Variants in CDH13 observed in about 807,000 individuals in gnomAD.
CDH13 encodes the protein cadherin-13.
CDH13 carries 24 observed loss-of-function variants against 63.8 expected under a neutral mutation model. That is an observed-to-expected ratio of 0.38 (90% CI 0.27 to 0.53). CDH13 has a LOEUF of 0.53. CDH13 is among the 20% of genes least tolerant of loss of function. The probability of loss-of-function intolerance (pLI) is 0.85; values close to 1 mark genes in which losing one functional copy is unlikely to be tolerated. For missense variants in CDH13, 1,049 were observed against 903.1 expected (o/e 1.16, Z -2.07); for synonymous variants, 503 against 355.3 (o/e 1.42, Z -4.67).
chr16:82,891,273 T>C (rs182609441), intron 2 of CDH13, among the ~76,000 whole-genome samples: 12 of 152,220 alleles, frequency 7.9e-5, no homozygotes, highest in African/African-American at 9.6e-5. Context: ...TCCTGGGTAG[T>C]GAAGAGGTCC....
intron 5 of CDH13, among the ~76,000 whole-genome samples, chr16:83,272,192 C>G (rs567125287): frequency 4.0e-4 from 61 of 152,252 alleles, no homozygotes; most frequent in Admixed American, 9.2e-4. Context: ...CATAAAGAAA[C>G]TATATTCTAG....
chr16:83,172,609 C>T (rs1381565187), intron 4 of CDH13, among the ~76,000 whole-genome samples: 1 of 151,888 alleles, frequency 6.6e-6, no homozygotes, highest in Non-Finnish European at 1.5e-5. Context: ...CCATGAGAAG[C>T]TAGGAGACAG....
chr16:83,718,967 C>G (rs1909311962), intron 10 of CDH13, among the ~76,000 whole-genome samples: 1 of 152,172 alleles, frequency 6.6e-6, no homozygotes, highest in Non-Finnish European at 1.5e-5. Flanking sequence ...GAGCAAAGGC[C>G]TTTGGCTGCT....
chr16:83,448,462 C>T (rs930175791), intron 6 of CDH13, among the ~76,000 whole-genome samples: 2 of 152,120 alleles, frequency 1.3e-5, no homozygotes, highest in Non-Finnish European at 2.9e-5. Context: ...TGGCTGTGTG[C>T]CCCAGAACAA....
Position 83,783,318 on chromosome 16 carries a change from G to A in CDH13, c.1980G>A (p.Met660Ile). 6.2e-7 allele frequency: 1 copy of A among 1,613,950 alleles called. No homozygotes were observed. Among genetic ancestry groups the A allele is most frequent in the Non-Finnish European group, 8.5e-7 (1 of 1,179,882 alleles). ...LNKANYNLPI[M>I]VTDSGKPPMT... The stretch of plus-strand genomic sequence containing the variant: ...AAGCAAACTACAACCTGCCCATCAT[G>A]GTGACAGATTCAGGGAAACCACCCA... The change falls in exon 13 of 14, where the codon ATG becomes ATA. Residue 660 changes from methionine to isoleucine, a missense_variant. Met to Ile is a conservative substitution (Grantham distance 10). Coordinates refer to ENST00000567109, the MANE Select transcript of CDH13 (RefSeq NM_001257.5).
intron 2 of CDH13, among the ~76,000 whole-genome samples, chr16:82,934,880 C>T (rs190897454): frequency 6.6e-6 from 1 of 152,326 alleles, no homozygotes; most frequent in African/African-American, 2.4e-5. Context: ...TGGTCAAAGC[C>T]ATTCAACAAG....
intron 6 of CDH13, among the ~76,000 whole-genome samples, chr16:83,441,515 T>C (rs1192857930): frequency 2.6e-5 from 4 of 152,238 alleles, no homozygotes; most frequent in Non-Finnish European, 5.9e-5. Flanking sequence ...TTTCTTAATG[T>C]TTAAAAAGGA....
At chr16:83,695,779 A>G (rs1905315507) in intron 10 of CDH13, among the ~76,000 whole-genome samples, 1 of 152,214 alleles carries the variant, frequency 6.6e-6, no homozygotes, top group African/African-American at 2.4e-5. Flanking sequence ...AATACTTCGG[A>G]CACAACTGTG....
At chr16:83,582,617 G>T (rs1905726581) in intron 7 of CDH13, among the ~76,000 whole-genome samples, 1 of 152,108 alleles carries the variant, frequency 6.6e-6, no homozygotes, top group African/African-American at 2.4e-5. Flanking sequence ...AGCCTGAGTG[G>T]CCAGGTCTCT....
intron 6 of CDH13, among the ~76,000 whole-genome samples, chr16:83,386,803 G>A (rs1274127678): frequency 6.6e-6 from 1 of 152,150 alleles, no homozygotes; most frequent in African/African-American, 2.4e-5. Context: ...GATGTCAGGG[G>A]TGTCCCCACT....
intron 5 of CDH13, among the ~76,000 whole-genome samples, chr16:83,240,254 A>G (rs540543213): frequency 4.6e-5 from 7 of 152,168 alleles, no homozygotes; most frequent in African/African-American, 1.7e-4. Flanking sequence ...TGGGCTTAGC[A>G]TGTGTAGGGA....
intron 5 of CDH13, among the ~76,000 whole-genome samples, chr16:83,242,385 A>G (rs12929552): frequency 0.84 from 127,653 of 152,196 alleles, 53,574 homozygotes; most frequent in East Asian, 0.97. Context: ...TTCTTGTGCC[A>G]TATGAAAGTG....
chr16:83,777,208 G>C (rs1355086269), intron 11 of CDH13, among the ~76,000 whole-genome samples: 2 of 152,222 alleles, frequency 1.3e-5, no homozygotes, highest in Admixed American at 6.5e-5. Context: ...AGTCAGATCA[G>C]ATTGTTCCTG....
Position 83,133,316 on chromosome 16 carries a change from G to A in CDH13, c.483+7815G>A, listed in dbSNP as rs111586696. On this transcript the variant is annotated intron_variant, in intron 4 of 13. Coordinates refer to ENST00000567109, the MANE Select transcript of CDH13 (RefSeq NM_001257.5). ...AAAGCTTATCACACGAACACAAAAA[G>A]AATGGAAAATGTCTCCTTAATAATC... Among the ~76,000 whole-genome samples the A allele has an allele frequency of 1.8e-3, 275 of 152,244 alleles. 2 individuals are homozygous for A. Among genetic ancestry groups the A allele is most frequent in the African/African-American group, 6.4e-3 (265 of 41,542 alleles).
At chr16:82,884,303 T>G in intron 2 of CDH13, 9 of 433,580 alleles carry the variant, frequency 2.1e-5, no homozygotes, top group South Asian at 1.5e-4. Context: ...GGCATGCTAT[T>G]GAGAAAAGGA....
At chr16:82,825,587 G>C (rs2038207393) in intron 1 of CDH13, 1 of 149,222 alleles carries the variant, frequency 6.7e-6, no homozygotes, top group Non-Finnish European at 1.5e-5. Context: ...TGTTGCCCCG[G>C]CTGGAGTGAC....
At chr16:82,926,951 A>G (rs2151289123) in intron 2 of CDH13, among the ~76,000 whole-genome samples, 1 of 152,300 alleles carries the variant, frequency 6.6e-6, no homozygotes, top group South Asian at 2.1e-4. Context: ...CAAATGTGTC[A>G]TTTGTGAGGG....
At chr16:82,627,337 C>CGTGCGTGTGTGTGTGTGTGTGTGTGTGT (rs1555525839) in intron 1 of CDH13, among the ~76,000 whole-genome samples, 200 bp downstream of exon 1, 11 of 131,184 alleles carry the variant, frequency 8.4e-5, no homozygotes, top group Non-Finnish European at 1.8e-4. Context: ...CTCTGGCGTG[C>CGTGCGTGTGTGTGTGTGTGTGTGTGTGT]GTGTGTGTGT....
intron 4 of CDH13, among the ~76,000 whole-genome samples, chr16:83,216,408 A>ATGTATATATG (rs66685513): frequency 1.3e-5 from 1 of 76,020 alleles, no homozygotes; most frequent in African/African-American, 4.8e-5. Flanking sequence ...ATATATATAT[A>ATGTATATATG]TATATATATA....
Sources: gnomAD v4.1 joint callset for allele counts (sites outside exome capture counted in the v4.1 genomes callset) on GRCh38, gnomAD v4.1.1 for gene constraint, MANE v1.5 for transcripts, NCBI Gene and HGNC (gene_info 2026-07-23, HGNC 2026-07-21) for gene names.